Variants in EIF3J observed in about 807,000 individuals in gnomAD.
EIF3J encodes the protein eukaryotic translation initiation factor 3, subunit 1 (alpha, 35kD).
Under a neutral mutation model 39.0 loss-of-function variants are expected in EIF3J, and 15 were observed. The ratio of observed to expected loss-of-function variants is 0.38; its 90% CI spans 0.26 to 0.59. The LOEUF (loss-of-function observed/expected upper bound fraction) is 0.59, where lower values mean the gene tolerates loss of function less well. Among genes scored for constraint, EIF3J ranks in the 20% least tolerant of loss-of-function variants. The pLI is 0.60. For synonymous variants in EIF3J, 98 were observed against 112.9 expected (o/e 0.87, Z 0.84); for missense variants, 226 against 308.6 (o/e 0.73, Z 2.00).
In EIF3J at chr15:44,562,554, T is replaced by C. The variant is rs904275681; in HGVS notation, c.*1405T>C. On this transcript the variant is annotated 3_prime_UTR_variant, in exon 8 of 8. Coordinates refer to ENST00000261868, the MANE Select transcript of EIF3J (RefSeq NM_003758.4). ...GTCAAAGCTCTGTATACCTACTAAG[T>C]GGAAAACAAGACCATCATCTAAGTG... 6.5e-6 allele frequency: 1 copy of C among 153,364 alleles called. No individual in the cohort carries two copies. The allele number at this position is 153,364 out of a possible 1,614,324, so 9.5% of individuals were successfully genotyped here.
In EIF3J at chr15:44,551,510, A is replaced by T. The variant is rs150257540; in HGVS notation, c.282A>T (p.Glu94Asp). 3.1e-5 allele frequency: 50 copies of T among 1,588,964 alleles called. No homozygotes were observed. The African/African-American group carries it at 5.7e-4, about 18-fold the overall frequency. ...GGCAACAGAAGAAAAGGCAAGAAGA[A>T]ATTAAAAAGAGGGTAAATTCTGTTT... ...KERQQKKRQE[E>D]IKKRLEEPEE... Residue 94 changes from glutamate to aspartate, a missense_variant, in exon 4 of 8, where the codon GAA becomes GAT. Glu to Asp is a conservative substitution (Grantham distance 45). Transcript: ENST00000261868.
chr15:44,537,499 G>A, intron 2 of EIF3J, 72 bp downstream of exon 2: 2 of 1,406,416 alleles, frequency 1.4e-6, no homozygotes, highest in Non-Finnish European at 1.8e-6. Context: ...CTGGGCCCCG[G>A]GTCGCTGCCG....
chr15:44,560,133 A>T, intron 6 of EIF3J, 116 bp from the exon 7 acceptor site: 1 of 772,396 alleles, frequency 1.3e-6, no homozygotes, highest in Non-Finnish European at 2.0e-6. Context: ...TTCTCATAAC[A>T]CTTTTGGAAT....
At chr15:44,555,667 G>A (rs1290727349) in intron 5 of EIF3J, among the ~76,000 whole-genome samples, 2 of 152,210 alleles carry the variant, frequency 1.3e-5, no homozygotes, top group African/African-American at 4.8e-5. Flanking sequence ...GGTTTATGAA[G>A]TGTGCATAAA....
At chr15:44,540,261 ATATATATTTTTTTT>A (rs1230215524) in intron 2 of EIF3J, among the ~76,000 whole-genome samples, 6 of 57,838 alleles carry the variant, frequency 1.0e-4, no homozygotes, top group African/African-American at 3.3e-4. Context: ...ATATATATAT[ATATATATTTTTTTT>A]TTTTTTTTGT....
intron 7 of EIF3J, among the ~76,000 whole-genome samples, 164 bp from the exon 8 acceptor site, chr15:44,560,854 T>G (rs534252403): frequency 1.3e-5 from 2 of 152,306 alleles, no homozygotes; most frequent in East Asian, 3.9e-4. Context: ...AGACTGACTC[T>G]GGGAGACCTG....
intron 3 of EIF3J, 65 bp downstream of exon 3, chr15:44,550,995 A>G: frequency 6.4e-7 from 1 of 1,554,482 alleles, no homozygotes; most frequent in Non-Finnish European, 8.7e-7. Flanking sequence ...ACTTGTATTA[A>G]GACAAATGAC....
chr15:44,538,394 T>G (rs1324582491), intron 2 of EIF3J, among the ~76,000 whole-genome samples: 2 of 152,126 alleles, frequency 1.3e-5, no homozygotes, highest in African/African-American at 4.8e-5. Context: ...AGATAAAGTT[T>G]TGTGTGAAAT....
chr15:44,545,268 C>A (rs1380666488), intron 2 of EIF3J, among the ~76,000 whole-genome samples: 1 of 151,982 alleles, frequency 6.6e-6, no homozygotes, highest in Non-Finnish European at 1.5e-5. Context: ...TTTATTCCAG[C>A]GAATTAAATT....
chr15:44,558,615 T>G (rs1373113535), intron 6 of EIF3J: 3 of 152,268 alleles, frequency 2.0e-5, no homozygotes, highest in Admixed American at 2.0e-4. Context: ...ATTTTTTGTA[T>G]TTTTAGTAGA....
Position 44,539,442 on chromosome 15 carries a change from C to CT in EIF3J, c.147+2016dup, listed in dbSNP as rs2081989578. Among the ~76,000 whole-genome samples the CT allele has an allele frequency of 2.0e-5, 3 of 151,398 alleles. No individual in the cohort carries two copies. In the South Asian group the frequency reaches 6.3e-4, roughly 32 times the overall value. Reference sequence around the variant, plus strand: ...TTTTTTTTGGAAATGGAGTCTCGCTCTGTCACCCAGGCTGGAGTGCAGTGG... The same window carrying CT: ...TTTTTTTTGGAAATGGAGTCTCGCTCTTGTCACCCAGGCTGGAGTGCAGTGG... On this transcript the variant is annotated intron_variant, in intron 2 of 7. Transcript: ENST00000261868.
intron 2 of EIF3J, among the ~76,000 whole-genome samples, chr15:44,539,136 C>T (rs1266967358): frequency 6.6e-6 from 1 of 150,442 alleles, no homozygotes; most frequent in East Asian, 2.0e-4. Context: ...AAGTGATTCT[C>T]CTGCTTCAGC....
At chr15:44,547,484 C>T (rs1041593464) in intron 2 of EIF3J, among the ~76,000 whole-genome samples, 18 of 138,632 alleles carry the variant, frequency 1.3e-4, no homozygotes, top group Non-Finnish European at 2.1e-4. Flanking sequence ...TCTCGCCGCA[C>T]TGTCACCTGG....
intron 7 of EIF3J, chr15:44,560,614 C>T: frequency 2.7e-6 from 1 of 370,446 alleles, no homozygotes; most frequent in Non-Finnish European, 4.8e-6. Flanking sequence ...AGTCTTCTCC[C>T]TTCTAAAATA....
chr15:44,553,521 C>T lies in EIF3J; in HGVS notation c.295-1032C>T, dbSNP rs539523175. On this transcript the variant is annotated intron_variant, in intron 4 of 7. Coordinates refer to ENST00000261868, the MANE Select transcript of EIF3J (RefSeq NM_003758.4). ...AAAAAAAAGAAAAAATAATTATATTCCAGTATAAAGAGAAGATAGATATAC... is the reference window on the plus strand; with the variant it reads ...AAAAAAAAGAAAAAATAATTATATTTCAGTATAAAGAGAAGATAGATATAC... Among the ~76,000 whole-genome samples the T allele has an allele frequency of 4.4e-3, 664 of 151,776 alleles. 3 individuals are homozygous for T. The highest frequency in any genetic ancestry group is 0.015 in the African/African-American group (631 of 41,436).
chr15:44,560,714 T>TG (rs144491094), intron 7 of EIF3J: 6,962 of 344,996 alleles, frequency 0.02, 452 homozygotes, highest in African/African-American at 0.13. Flanking sequence ...GATTTTAAAT[T>TG]GGGGGGTACT....
chr15:44,540,269 T>A (rs80320523), intron 2 of EIF3J, among the ~76,000 whole-genome samples: 1,970 of 37,402 alleles, frequency 0.053, 2 homozygotes, highest in East Asian at 0.074. Context: ...ATATATATAT[T>A]TTTTTTTTTT....
Position 44,550,898 on chromosome 15 carries a change from A to G in EIF3J, c.170A>G (p.Asp57Gly). 1 of 1,609,796 alleles carries G rather than the reference A, an allele frequency of 6.2e-7. No individual in the cohort carries two copies. Among genetic ancestry groups the G allele is most frequent in the Non-Finnish European group, 8.5e-7 (1 of 1,177,282 alleles). ...DVKDNWDDDD[D>G]EKKEEAEVKP... Reference sequence around the variant, plus strand: ...TAGGATAACTGGGATGACGATGATGATGAAAAAAAAGAGGAAGCAGAAGTA... The same window carrying G: ...TAGGATAACTGGGATGACGATGATGGTGAAAAAAAAGAGGAAGCAGAAGTA... Residue 57 changes from aspartate to glycine, a missense_variant, in exon 3 of 8, where the codon GAT becomes GGT. Coordinates refer to ENST00000261868, the MANE Select transcript of EIF3J (RefSeq NM_003758.4).
intron 2 of EIF3J, among the ~76,000 whole-genome samples, chr15:44,543,899 G>T (rs1177982882): frequency 6.6e-6 from 1 of 151,910 alleles, no homozygotes; most frequent in African/African-American, 2.4e-5. Flanking sequence ...ATATGGGTGG[G>T]GTGGGGGTTA....
Sources: allele counts gnomAD v4.1 joint callset (sites outside exome capture counted in the v4.1 genomes callset), GRCh38; gene constraint gnomAD v4.1.1; transcripts MANE v1.5; gene names NCBI Gene and HGNC (gene_info 2026-07-23, HGNC 2026-07-21).